The following RPTOR variants were observed in gnomAD, a reference collection of about 807,000 sequenced individuals.
The protein encoded by RPTOR is regulatory-associated protein of mTOR.
Under a neutral mutation model 169.9 loss-of-function variants are expected in RPTOR, and 21 were observed. The ratio of observed to expected loss-of-function variants is 0.12; its 90% CI spans 0.09 to 0.18. RPTOR has a LOEUF of 0.18. Ranked by LOEUF, RPTOR falls within the 10% of genes least tolerant of loss-of-function variation. The pLI, the probability that RPTOR is intolerant of heterozygous loss-of-function variation, is 1.00. For synonymous variants in RPTOR, 732 were observed against 753.2 expected, an observed-to-expected ratio of 0.97 and a Z score of 0.46; for missense variants, 1,133 against 1,855.9, an observed-to-expected ratio of 0.61 and a Z score of 7.16.
intron 6 of RPTOR, among the ~76,000 whole-genome samples, chr17:80,785,060 T>G (rs1280798068): frequency 6.6e-6 from 1 of 152,182 alleles, no homozygotes. Context: ...AAAAGAATAT[T>G]TAAAACCAGA....
intron 5 of RPTOR, among the ~76,000 whole-genome samples, chr17:80,751,771 A>G (rs1460887871): frequency 6.6e-6 from 1 of 152,230 alleles, no homozygotes; most frequent in Non-Finnish European, 1.5e-5. Flanking sequence ...TAAGTCACAA[A>G]CAGCGTCCAG....
At chr17:80,550,875 A>G (rs1032648404) in intron 1 of RPTOR, among the ~76,000 whole-genome samples, 1 of 152,112 alleles carries the variant, frequency 6.6e-6, no homozygotes. Flanking sequence ...AGTTTTTCAC[A>G]TAGCAGTCAG....
chr17:80,903,723 G>A (rs76894833), intron 20 of RPTOR, among the ~76,000 whole-genome samples: 1 of 152,112 alleles, frequency 6.6e-6, no homozygotes, highest in African/African-American at 2.4e-5. Context: ...CCCGCGTGCA[G>A]CTCCAGAGAC....
chr17:80,571,616 G>T (rs1215456081), intron 1 of RPTOR, among the ~76,000 whole-genome samples: 1 of 151,084 alleles, frequency 6.6e-6, no homozygotes, highest in African/African-American at 2.5e-5. Flanking sequence ...GACCTCCTGG[G>T]CTCAATTGAT....
At chr17:80,801,195 G>A (rs2067153192) in intron 7 of RPTOR, among the ~76,000 whole-genome samples, 1 of 152,216 alleles carries the variant, frequency 6.6e-6, no homozygotes, top group Non-Finnish European at 1.5e-5. Flanking sequence ...CGTGCTTCCT[G>A]GGGAATGATA....
chr17:80,744,845 T>TG (rs2066551210), intron 5 of RPTOR, among the ~76,000 whole-genome samples: 1 of 5,670 alleles, frequency 1.8e-4, no homozygotes, highest in African/African-American at 7.8e-4. Context: ...TTACTAGCAC[T>TG]GTCCTGGCTA....
chr17:80,614,447 C>G (rs1470956822), intron 1 of RPTOR, among the ~76,000 whole-genome samples: 1 of 152,250 alleles, frequency 6.6e-6, no homozygotes, highest in Non-Finnish European at 1.5e-5. Context: ...GTGGCTCCTT[C>G]AGAATATCTG....
chr17:80,895,782 C>G (rs1338463082), intron 20 of RPTOR, among the ~76,000 whole-genome samples: 3 of 152,262 alleles, frequency 2.0e-5, no homozygotes, highest in Non-Finnish European at 4.4e-5. Flanking sequence ...CAGCCTTTGT[C>G]TGTCTGATAG....
At chr17:80,627,555 T>C (rs899906876) in intron 2 of RPTOR, among the ~76,000 whole-genome samples, 1 of 152,224 alleles carries the variant, frequency 6.6e-6, no homozygotes, top group Non-Finnish European at 1.5e-5. Context: ...TGGCGACATA[T>C]AGTTTGTAGT....
chr17:80,734,127 G>A (rs955528713), intron 5 of RPTOR, among the ~76,000 whole-genome samples: 1 of 152,212 alleles, frequency 6.6e-6, no homozygotes, highest in African/African-American at 2.4e-5. Flanking sequence ...AGAGTACTGT[G>A]ATTTCCATTT....
In RPTOR at chr17:80,659,180, C is replaced by T. The variant is rs547338215; in HGVS notation, c.348+15370C>T. Among the ~76,000 whole-genome samples the T allele has an allele frequency of 2.2e-4, 34 of 152,188 alleles. No homozygotes were observed. Among genetic ancestry groups the T allele is most frequent in the African/African-American group, 5.5e-4 (23 of 41,536 alleles). On this transcript the variant is annotated intron_variant, in intron 3 of 33. Coordinates refer to ENST00000306801, the MANE Select transcript of RPTOR (RefSeq NM_020761.3). This position sits in a 1 kb window ranked among gnomAD's most constrained non-coding sequence, Gnocchi z 4.3. ...TGGTCCCCGAGAGATTGCCTCCGAG[C>T]GCTGTTAGGAGAGGGAAGAGCTGCA... is the stretch of plus-strand genomic sequence containing the variant.
intron 3 of RPTOR, among the ~76,000 whole-genome samples, chr17:80,672,366 CTT>C (rs61114947): frequency 0.039 from 5,219 of 133,284 alleles, 143 homozygotes; most frequent in African/African-American, 0.078. Flanking sequence ...TGCAAAGGTT[CTT>C]TTTTTTTTTT....
chr17:80,913,700 A>G (rs762044354), intron 21 of RPTOR, among the ~76,000 whole-genome samples: 81 of 152,180 alleles, frequency 5.3e-4, no homozygotes, highest in South Asian at 3.5e-3. Flanking sequence ...TGATTCACCC[A>G]CATTTCCCTC....
intron 3 of RPTOR, among the ~76,000 whole-genome samples, chr17:80,681,802 C>A (rs1262819689): frequency 1.9e-5 from 1 of 53,328 alleles, no homozygotes; most frequent in Non-Finnish European, 3.8e-5. Flanking sequence ...GTGTACGTCT[C>A]TTACACCTTC....
chr17:80,813,960 C>A (rs1047017745), intron 7 of RPTOR, among the ~76,000 whole-genome samples: 2 of 152,096 alleles, frequency 1.3e-5, no homozygotes, highest in African/African-American at 4.8e-5. Flanking sequence ...ATGGTAAAAC[C>A]CCATCTCTAC....
chr17:80,823,639 T>TCACACACA lies in RPTOR; in HGVS notation c.1136+417_1136+418insACACACAC, dbSNP rs1491171593. 7 of 133,662 alleles carry TCACACACA rather than the reference T, an allele frequency of 5.2e-5. No individual in the cohort carries two copies. The highest frequency in any genetic ancestry group is 2.5e-4 in the African/African-American group (6 of 24,312). 8.3% of individuals were successfully genotyped at this position (133,662 alleles called of 1,614,324 possible). On this transcript the variant is annotated intron_variant, in intron 9 of 33. Transcript: ENST00000306801. This position sits in a 1 kb window ranked among gnomAD's most constrained non-coding sequence, Gnocchi z 4.5. ...TGATCAATTAGTTTTTATGCTTATT[T>TCACACACA]CTCACACACACACACACACACACAC...
At chr17:80,578,278 C>T (rs886218807) in intron 1 of RPTOR, among the ~76,000 whole-genome samples, 3 of 152,062 alleles carry the variant, frequency 2.0e-5, no homozygotes, top group Non-Finnish European at 4.4e-5. Flanking sequence ...CTGCTTTGGT[C>T]CTGAGTTTCA....
rs560638674 is a variant in RPTOR, at chr17:80,634,603, CTG to C, written c.265+8818_265+8819del. ...TGTGTGCGTACTGTGTGTGTGCGTA[CTG>C]TGTGTGTACTGTGTGCGTGTGCGTA... On this transcript the variant is annotated intron_variant, in intron 2 of 33. Coordinates refer to ENST00000306801, the MANE Select transcript of RPTOR (RefSeq NM_020761.3). Among the ~76,000 whole-genome samples, 2 of 26,214 alleles carry C rather than the reference CTG, an allele frequency of 7.6e-5. 1 individual carries two copies. Among genetic ancestry groups the C allele is most frequent in the African/African-American group, 7.4e-4 (2 of 2,696 alleles). The allele number at this position is 26,214 out of a possible 152,430, so 17.2% of individuals were successfully genotyped here. A position where few individuals can be genotyped will look rare whatever the true frequency, so the allele number is the denominator to read the frequency against.
chr17:80,816,617 C>T (rs1460742263), intron 7 of RPTOR, among the ~76,000 whole-genome samples: 36 of 152,028 alleles, frequency 2.4e-4, no homozygotes, highest in Admixed American at 6.6e-5. Flanking sequence ...AGGGAGGAGC[C>T]GGGTGCCAGG....
Sources: gnomAD v4.1 joint callset for allele counts (sites outside exome capture counted in the v4.1 genomes callset) on GRCh38, gnomAD v4.1.1 for gene constraint, Gnocchi (gnomAD v3.1) non-coding constraint, MANE v1.5 for transcripts, NCBI Gene and HGNC (gene_info 2026-07-23, HGNC 2026-07-21) for gene names.